DIAPH3: variants seen among roughly 807,000 people sequenced by gnomAD.
DIAPH3 encodes protein diaphanous homolog 3.
A neutral mutation model predicts 144.3 loss-of-function variants in DIAPH3; 117 were observed. That is an observed-to-expected ratio of 0.81 (90% CI 0.70 to 0.95). The LOEUF (loss-of-function observed/expected upper bound fraction) is 0.95. Among genes scored for constraint, DIAPH3 ranks in the 40% least tolerant of loss-of-function variants. DIAPH3 has a pLI of 0.00. For missense variants in DIAPH3, 1,421 were observed against 1,412.7 expected (o/e 1.01, Z -0.09); for synonymous variants, 519 against 488.9 (o/e 1.06, Z -0.81).
At chr13:59,701,378 T>C (rs1257084160) in intron 27 of DIAPH3, among the ~76,000 whole-genome samples, 1 of 152,190 alleles carries the variant, frequency 6.6e-6, no homozygotes, top group Admixed American at 6.5e-5. Context: ...TCTAGAGACA[T>C]ACACAGCACT....
At chr13:59,757,647 A>G (rs1048200569) in intron 27 of DIAPH3, among the ~76,000 whole-genome samples, 2 of 151,788 alleles carry the variant, frequency 1.3e-5, no homozygotes, top group South Asian at 4.2e-4. Context: ...TGATCCGCCC[A>G]CCTCGGCCTC....
At chr13:59,728,498 T>C (rs748897540) in intron 27 of DIAPH3, among the ~76,000 whole-genome samples, 136 of 152,188 alleles carry the variant, frequency 8.9e-4, no homozygotes, top group Non-Finnish European at 1.5e-3. Context: ...GTAACATTAA[T>C]TGACACTGTA....
chr13:60,126,737 C>T (rs2059000836), intron 2 of DIAPH3, among the ~76,000 whole-genome samples: 1 of 152,110 alleles, frequency 6.6e-6, no homozygotes, highest in African/African-American at 2.4e-5. Flanking sequence ...ACAAATCAGA[C>T]ACAGTCAAAT....
chr13:59,839,407 T>C lies in DIAPH3; in HGVS notation c.2779A>G (p.Arg927Gly), dbSNP rs1044605228. The part of the protein sequence containing the change: ...TLEKNLRQMG[R>G]QLQQLEKELE... ...TCCTTCTCAAGCTGTTGAAGCTGCC[T>C]TCCCATCTGCCTCAAATTCTTTTCC... Residue 927 changes from arginine (R) to glycine (G), a missense_variant, in exon 23 of 28, where the codon AGG (arginine) becomes GGG (glycine). Physicochemically the swap from Arg to Gly is moderately radical, Grantham distance 125. Transcript: ENST00000400324. 1 of 1,613,628 alleles carries C rather than the reference T, an allele frequency of 6.2e-7. No individual in the cohort carries two copies. Among genetic ancestry groups the C allele is most frequent in the Non-Finnish European group, 8.5e-7 (1 of 1,179,808 alleles).
At chr13:59,743,181 T>G (rs1423302333) in intron 27 of DIAPH3, among the ~76,000 whole-genome samples, 1 of 152,080 alleles carries the variant, frequency 6.6e-6, no homozygotes, top group African/African-American at 2.4e-5. Flanking sequence ...TTGGCAGTGA[T>G]AGTATGAAGG....
intron 25 of DIAPH3, among the ~76,000 whole-genome samples, chr13:59,787,234 G>A (rs2039081620): frequency 6.6e-6 from 1 of 152,174 alleles, no homozygotes; most frequent in African/African-American, 2.4e-5. Flanking sequence ...AATAACTACT[G>A]TGGTAGCATT....
intron 4 of DIAPH3, among the ~76,000 whole-genome samples, chr13:60,062,401 G>C (rs1281383043): frequency 6.6e-6 from 1 of 152,078 alleles, no homozygotes; most frequent in African/African-American, 2.4e-5. Flanking sequence ...ACATGCTTGG[G>C]AATTTTACCA....
chr13:59,995,061 G>A lies in DIAPH3; in HGVS notation c.1015-2478C>T, dbSNP rs558102170. On this transcript the variant is annotated intron_variant, in intron 9 of 27. Coordinates refer to ENST00000400324, the MANE Select transcript of DIAPH3 (RefSeq NM_001042517.2). ...CATTTACAAGAGGCCTCCCACTTTT[G>A]TTATTTAACTAGATAGAAAGTGGTA... is the stretch of plus-strand genomic sequence containing the variant. Among the ~76,000 whole-genome samples the A allele has an allele frequency of 1.9e-4, 29 of 151,880 alleles. No individual in the cohort carries two copies. In the South Asian group the frequency reaches 6.0e-3, roughly 31 times the overall value.
intron 2 of DIAPH3, among the ~76,000 whole-genome samples, chr13:60,124,282 C>A (rs1594729341): frequency 6.6e-6 from 1 of 152,166 alleles, no homozygotes; most frequent in Non-Finnish European, 1.5e-5. Context: ...ACCCCGGGAA[C>A]TTTGAGGAGA....
At position 59,820,402 on chromosome 13, in the gene DIAPH3, A is replaced by G. The variant is rs943124993; in HGVS notation, c.3028-9479T>C. On this transcript the variant is annotated intron_variant, in intron 24 of 27. Coordinates refer to ENST00000400324, the MANE Select transcript of DIAPH3 (RefSeq NM_001042517.2). The stretch of plus-strand genomic sequence containing the variant: ...TTATACCTCTGAAGATTTAATTTAC[A>G]TATATATGCACATTGTTTTTAATAT... Among the ~76,000 whole-genome samples, 8 of 152,096 alleles carry G rather than the reference A, an allele frequency of 5.3e-5. No homozygotes were observed. In the South Asian group the frequency reaches 1.0e-3, roughly 20 times the overall value.
At chr13:59,881,177 G>A (rs1426147243) in intron 20 of DIAPH3, among the ~76,000 whole-genome samples, 1 of 151,880 alleles carries the variant, frequency 6.6e-6, no homozygotes, top group Admixed American at 6.6e-5. Flanking sequence ...AGACAGATGG[G>A]TTCACTTACC....
chr13:59,989,382 ATTTT>A (rs67538269), intron 12 of DIAPH3, among the ~76,000 whole-genome samples: 1 of 151,710 alleles, frequency 6.6e-6, no homozygotes, highest in Non-Finnish European at 1.5e-5. Flanking sequence ...ATTTTTAAGA[ATTTT>A]TTTAAGAAAT....
At chr13:59,839,747 A>C (rs1721904506) in intron 22 of DIAPH3, among the ~76,000 whole-genome samples, 1 of 152,206 alleles carries the variant, frequency 6.6e-6, no homozygotes, top group South Asian at 2.1e-4. Flanking sequence ...CTACAAAATC[A>C]TCAGTCTATT....
chr13:59,894,998 G>A (rs575472129), intron 20 of DIAPH3, among the ~76,000 whole-genome samples: 6 of 152,070 alleles, frequency 3.9e-5, no homozygotes, highest in African/African-American at 1.2e-4. Context: ...AATATTGACA[G>A]AATAAAAACT....
intron 25 of DIAPH3, among the ~76,000 whole-genome samples, chr13:59,808,833 A>G (rs2040320959): frequency 6.6e-6 from 1 of 152,234 alleles, no homozygotes; most frequent in African/African-American, 2.4e-5. Context: ...TAGAAGGCAG[A>G]AAAATTTAAA....
In DIAPH3 at chr13:59,861,207, C is replaced by T. The variant is rs575298929; in HGVS notation, c.2737+200G>A. ...AGTATTTTATAATATAAGGCCTCAT[C>T]ATCTAACTAAACAAATTAAACTCAT... On this transcript the variant is annotated intron_variant, in intron 22 of 27. Transcript: ENST00000400324. 3 of 1,470,484 alleles carry T rather than the reference C, an allele frequency of 2.0e-6. No individual in the cohort carries two copies. In the Admixed American group the frequency reaches 7.6e-5, roughly 37 times the overall value. 91.1% of individuals were successfully genotyped at this position (1,470,484 alleles called of 1,614,324 possible). A position where few individuals can be genotyped will look rare whatever the true frequency, so the allele number is the denominator to read the frequency against.
intron 20 of DIAPH3, among the ~76,000 whole-genome samples, chr13:59,890,784 G>A (rs1001447712): frequency 6.6e-6 from 1 of 151,882 alleles, no homozygotes; most frequent in South Asian, 2.1e-4. Flanking sequence ...AGTTTATGGG[G>A]AGCTGTTTCG....
At chr13:59,725,933 T>A (rs1344981485) in intron 27 of DIAPH3, among the ~76,000 whole-genome samples, 2 of 152,218 alleles carry the variant, frequency 1.3e-5, no homozygotes, top group Non-Finnish European at 2.9e-5. Flanking sequence ...AATAGCATCA[T>A]ATGCTTTGAT....
intron 2 of DIAPH3, among the ~76,000 whole-genome samples, chr13:60,119,944 A>G (rs1034776297): frequency 2.6e-5 from 4 of 152,106 alleles, no homozygotes; most frequent in Admixed American, 6.6e-5. Context: ...CAATTACTAG[A>G]TGATAAAATA....
Sources: gnomAD v4.1 joint callset for allele counts (sites outside exome capture counted in the v4.1 genomes callset) on GRCh38, gnomAD v4.1.1 for gene constraint, MANE v1.5 for transcripts, NCBI Gene and HGNC (gene_info 2026-07-23, HGNC 2026-07-21) for gene names.